Variants in LARGE1 observed in about 807,000 individuals in gnomAD.
LARGE1 encodes the protein LARGE xylosyl- and glucuronyltransferase 1, also known as xylosyl- and glucuronyltransferase LARGE1.
A neutral mutation model predicts 87.6 loss-of-function variants in LARGE1; 43 were observed. The observed-to-expected ratio is 0.49, with a 90% CI of 0.38 to 0.63. LARGE1 has a LOEUF of 0.63. Among genes scored for constraint, LARGE1 ranks in the 30% least tolerant of loss-of-function variants. The pLI, the probability that LARGE1 is intolerant of heterozygous loss-of-function variation, is 0.00. For missense variants in LARGE1, 802 were observed against 1,000.2 expected (o/e 0.80, Z 2.67); for synonymous variants, 434 against 394.6 (o/e 1.10, Z -1.18).
Position 33,878,210 on chromosome 22 carries a change from T to TC in LARGE1, c.-83+41784dup, listed in dbSNP as rs201314813. Among the ~76,000 whole-genome samples the TC allele has an allele frequency of 7.2e-4, 100 of 138,126 alleles. 2 individuals carry two copies. The East Asian group carries it at 0.022, about 30-fold the overall frequency. 90.6% of individuals were successfully genotyped at this position (138,126 alleles called of 152,430 possible). ...TGGAGCGCAATGGTGTGATCTCGGC[T>TC]CACTTCAACCTCCACCTTCTGGTTT... On this transcript the variant is annotated intron_variant, in intron 1 of 14. Coordinates refer to ENST00000397394, the MANE Select transcript of LARGE1 (RefSeq NM_133642.5).
chr22:33,595,956 T>C (rs2148940578), intron 5 of LARGE1, among the ~76,000 whole-genome samples: 1 of 152,338 alleles, frequency 6.6e-6, no homozygotes, highest in South Asian at 2.1e-4. Context: ...ATAAGGCGAA[T>C]ATTTCTAATA....
At chr22:33,141,194 T>TCACACA in the LARGE1 span, among the ~76,000 whole-genome samples, 7 of 141,818 alleles carry the variant, frequency 4.9e-5, no homozygotes, top group African/African-American at 5.4e-5. Flanking sequence ...TCTCTCTCTC[T>TCACACA]CACACACACA....
At chr22:33,323,309 A>G (rs755179075) in intron 10 of LARGE1, among the ~76,000 whole-genome samples, 248 of 152,152 alleles carry the variant, frequency 1.6e-3, no homozygotes, top group Non-Finnish European at 3.2e-3. Context: ...CCTAATACTA[A>G]CTGGGTACCT....
At chr22:33,615,448 G>A (rs2079553864) in intron 4 of LARGE1, among the ~76,000 whole-genome samples, 2 of 151,988 alleles carry the variant, frequency 1.3e-5, no homozygotes, top group South Asian at 4.2e-4. Flanking sequence ...TATGGTCCCT[G>A]AAGCACAAAC....
chr22:33,858,812 C>T (rs2063830172), intron 1 of LARGE1, among the ~76,000 whole-genome samples: 1 of 152,136 alleles, frequency 6.6e-6, no homozygotes, highest in Non-Finnish European at 1.5e-5. Context: ...CAATGATAAG[C>T]TAGATAAAGA....
At chr22:33,486,395 T>C (rs1481683178) in intron 6 of LARGE1, among the ~76,000 whole-genome samples, 3 of 152,210 alleles carry the variant, frequency 2.0e-5, no homozygotes, top group Non-Finnish European at 4.4e-5. Flanking sequence ...CAAAGTGCTT[T>C]TGCTTTCTCA....
At chr22:33,831,525 T>C (rs1361202849) in intron 1 of LARGE1, among the ~76,000 whole-genome samples, 1 of 152,106 alleles carries the variant, frequency 6.6e-6, no homozygotes, top group Non-Finnish European at 1.5e-5. Context: ...CTAGGACCGA[T>C]GCCTGCCCAG....
chr22:33,734,238 T>C (rs1245510584), intron 2 of LARGE1, among the ~76,000 whole-genome samples: 1 of 152,218 alleles, frequency 6.6e-6, no homozygotes, highest in African/African-American at 2.4e-5. Context: ...TCTTTCCACA[T>C]AAGGTCACGT....
At chr22:33,728,576 A>AAAAAAC (rs56192894) in intron 2 of LARGE1, among the ~76,000 whole-genome samples, 2,260 of 103,688 alleles carry the variant, frequency 0.022, 299 homozygotes, top group South Asian at 0.049. Flanking sequence ...AAAAAAAAAA[A>AAAAAAC]AAACCAACAA....
chr22:33,505,872 G>T (rs1044297914), intron 6 of LARGE1, among the ~76,000 whole-genome samples: 1 of 152,140 alleles, frequency 6.6e-6, no homozygotes, highest in African/African-American at 2.4e-5. Flanking sequence ...TGATGGATCT[G>T]ACAACTTTGC....
At chr22:33,885,742 A>C (rs751083174) in intron 1 of LARGE1, among the ~76,000 whole-genome samples, 4 of 152,126 alleles carry the variant, frequency 2.6e-5, no homozygotes, top group Non-Finnish European at 5.9e-5. Flanking sequence ...AAGATCATAA[A>C]AGATGTGGCC....
chr22:33,724,575 C>A (rs1264862929), intron 2 of LARGE1, among the ~76,000 whole-genome samples: 5 of 152,280 alleles, frequency 3.3e-5, no homozygotes, highest in South Asian at 2.1e-4. Flanking sequence ...TAATGTAGAC[C>A]AAACTCCACC....
chr22:33,104,889 CTCTTTCTTTCTTTCTTTCTTTCTT>C, the LARGE1 span, among the ~76,000 whole-genome samples: 1,787 of 89,188 alleles, frequency 0.02, 21 homozygotes, highest in Non-Finnish European at 0.029. Flanking sequence ...GACTTTCTCT[CTCTTTCTTTCTTTCTTTCTTTCTT>C]TCTTTCTTTC....
intron 6 of LARGE1, among the ~76,000 whole-genome samples, chr22:33,507,977 C>A (rs1287658920): frequency 3.3e-5 from 5 of 152,176 alleles, no homozygotes; most frequent in Non-Finnish European, 5.9e-5. Flanking sequence ...GCGTTTCTGA[C>A]TAACTTCCCT....
intron 11 of LARGE1, among the ~76,000 whole-genome samples, chr22:33,305,335 A>G (rs1934730732): frequency 6.6e-6 from 1 of 151,122 alleles, no homozygotes; most frequent in Non-Finnish European, 1.5e-5. Flanking sequence ...GAGAGGGGGA[A>G]AAATAGAGCC....
At chr22:33,324,800 C>A (rs973723538) in intron 10 of LARGE1, among the ~76,000 whole-genome samples, 5 of 152,210 alleles carry the variant, frequency 3.3e-5, no homozygotes, top group African/African-American at 1.2e-4. Context: ...GACCTGATAT[C>A]TCTGACACTC....
intron 7 of LARGE1, among the ~76,000 whole-genome samples, chr22:33,427,668 T>G (rs1245023214): frequency 1.3e-5 from 2 of 152,222 alleles, no homozygotes; most frequent in Non-Finnish European, 2.9e-5. Context: ...TGAAAAGAGT[T>G]ATTCAGTTGG....
chr22:33,823,297 C>T (rs1030630141), intron 1 of LARGE1, among the ~76,000 whole-genome samples: 5 of 152,204 alleles, frequency 3.3e-5, no homozygotes, highest in Admixed American at 1.3e-4. Flanking sequence ...AATGCTTTCA[C>T]AGCATCATGG....
At chr22:33,675,019 G>A (rs1184754830) in intron 2 of LARGE1, among the ~76,000 whole-genome samples, 1 of 151,808 alleles carries the variant, frequency 6.6e-6, no homozygotes, top group Admixed American at 6.6e-5. Context: ...GAGGCCAGGC[G>A]CGGTGACTCA....
Sources: allele counts gnomAD v4.1 joint callset (sites outside exome capture counted in the v4.1 genomes callset), GRCh38; gene constraint gnomAD v4.1.1; transcripts MANE v1.5; gene names NCBI Gene and HGNC (gene_info 2026-07-23, HGNC 2026-07-21).